TRDN: variants seen among roughly 807,000 people sequenced by gnomAD.
TRDN encodes the protein triadin.
TRDN carries 161 observed loss-of-function variants against 149.7 expected under a neutral mutation model. The ratio of observed to expected loss-of-function variants is 1.08; its 90% confidence interval spans 0.95 to 1.23. The LOEUF (loss-of-function observed/expected upper bound fraction) is 1.23. Ranked by LOEUF, TRDN falls within the 50% of genes most tolerant of loss-of-function variation. The probability of loss-of-function intolerance (pLI) is 0.00; values close to 1 mark genes in which losing one functional copy is unlikely to be tolerated. For synonymous variants in TRDN, 294 were observed against 250.5 expected (o/e 1.17, Z -1.64); for missense variants, 896 against 823.5 (o/e 1.09, Z -1.08).
intron 24 of TRDN, among the ~76,000 whole-genome samples, chr6:123,301,770 C>CATATATAT (rs35364593): frequency 1.0e-4 from 6 of 57,836 alleles, no homozygotes; most frequent in South Asian, 5.1e-4. Flanking sequence ...TATATATATA[C>CATATATAT]ATATATATAT....
At chr6:123,348,636 T>C (rs1412750266) in intron 21 of TRDN, among the ~76,000 whole-genome samples, 1 of 152,090 alleles carries the variant, frequency 6.6e-6, no homozygotes, top group African/African-American at 2.4e-5. Context: ...AGCTTTGTAA[T>C]GTAGCAGCTT....
intron 4 of TRDN, among the ~76,000 whole-genome samples, chr6:123,537,889 AC>A (rs1458691603): frequency 6.6e-6 from 1 of 152,242 alleles, no homozygotes; most frequent in African/African-American, 2.4e-5. Context: ...TTATGATCAT[AC>A]CAAAGCTTGC....
intron 9 of TRDN, among the ~76,000 whole-genome samples, chr6:123,496,855 T>G (rs1170251892): frequency 6.6e-6 from 1 of 152,110 alleles, no homozygotes; most frequent in East Asian, 1.9e-4. Flanking sequence ...ATTTTCATTG[T>G]CGTGGGTCTT....
chr6:123,310,552 G>GA (rs1778781334), intron 24 of TRDN, among the ~76,000 whole-genome samples: 1 of 151,852 alleles, frequency 6.6e-6, no homozygotes, highest in African/African-American at 2.4e-5. Context: ...CATAATTGAA[G>GA]AAAAAATGAA....
intron 1 of TRDN, among the ~76,000 whole-genome samples, chr6:123,606,962 G>T (rs148070013): frequency 1.1e-3 from 165 of 152,282 alleles, no homozygotes; most frequent in African/African-American, 3.7e-3. Context: ...CTGGGAACTT[G>T]TTGCCTCTGG....
chr6:123,527,529 G>A (rs1423435316), intron 5 of TRDN, among the ~76,000 whole-genome samples: 1 of 151,858 alleles, frequency 6.6e-6, no homozygotes, highest in Non-Finnish European at 1.5e-5. Flanking sequence ...TCACCCTAAT[G>A]TGGAATCAGC....
chr6:123,461,233 C>A (rs763660665), intron 10 of TRDN, among the ~76,000 whole-genome samples: 13 of 152,272 alleles, frequency 8.5e-5, no homozygotes, highest in Non-Finnish European at 1.8e-4. Context: ...CCATGCAACT[C>A]ATTAGTATCA....
At chr6:123,468,303 G>T (rs1447790389) in intron 9 of TRDN, among the ~76,000 whole-genome samples, 1 of 152,112 alleles carries the variant, frequency 6.6e-6, no homozygotes, top group Non-Finnish European at 1.5e-5. Flanking sequence ...AACTCTAAAG[G>T]TGCCCTTCAT....
At chr6:123,485,308 C>T (rs553147744) in intron 9 of TRDN, among the ~76,000 whole-genome samples, 32 of 152,274 alleles carry the variant, frequency 2.1e-4, no homozygotes, top group Admixed American at 4.6e-4. Context: ...AATCTTTACA[C>T]AGGTCTATTT....
intron 2 of TRDN, among the ~76,000 whole-genome samples, chr6:123,561,982 C>A (rs1463388422): frequency 6.6e-6 from 1 of 152,156 alleles, no homozygotes; most frequent in Non-Finnish European, 1.5e-5. Context: ...TCCCCTGTGA[C>A]CTGCATGTAC....
intron 40 of TRDN, among the ~76,000 whole-genome samples, chr6:123,219,902 A>G (rs1018607183): frequency 6.6e-6 from 1 of 151,860 alleles, no homozygotes; most frequent in African/African-American, 2.4e-5. Flanking sequence ...AGAAGGGCCC[A>G]TCAATGACAG....
intron 35 of TRDN, among the ~76,000 whole-genome samples, chr6:123,258,595 TC>T (rs1283111483): frequency 6.6e-6 from 1 of 152,178 alleles, no homozygotes; most frequent in Non-Finnish European, 1.5e-5. Context: ...CCTGAAATTT[TC>T]TTTTTTTTGT....
At chr6:123,604,360 A>G (rs1174819509) in intron 1 of TRDN, among the ~76,000 whole-genome samples, 5 of 152,254 alleles carry the variant, frequency 3.3e-5, no homozygotes, top group Non-Finnish European at 7.3e-5. Context: ...ACATTGCCGG[A>G]GGCAAAGACA....
chr6:123,369,739 G>A lies in TRDN; in HGVS notation c.1274-3557C>T, dbSNP rs1424690946. ...ACATACTCATCCATTTTTCTTTCCA[G>A]TTCCAAAAGGTGATCAGTTCCTGCC... On this transcript the variant is annotated intron_variant, in intron 19 of 40. Transcript: ENST00000334268. Among the ~76,000 whole-genome samples the A allele has an allele frequency of 4.6e-5, 7 of 152,164 alleles. No individual in the cohort carries two copies. The South Asian group carries it at 1.2e-3, about 27-fold the overall frequency.
chr6:123,627,732 T>C (rs1785753482), intron 1 of TRDN, among the ~76,000 whole-genome samples: 1 of 152,226 alleles, frequency 6.6e-6, no homozygotes, highest in Non-Finnish European at 1.5e-5. Flanking sequence ...ATTGAAAATG[T>C]GTTGTTTAGC....
chr6:123,435,059 A>G (rs1007593412), intron 12 of TRDN, among the ~76,000 whole-genome samples: 1 of 151,356 alleles, frequency 6.6e-6, no homozygotes, highest in Admixed American at 6.6e-5. Context: ...TGTCGGCATA[A>G]TAATACAATA....
intron 10 of TRDN, among the ~76,000 whole-genome samples, chr6:123,445,940 T>C (rs1402722315): frequency 7.0e-6 from 1 of 141,986 alleles, no homozygotes; most frequent in Non-Finnish European, 1.5e-5. Context: ...TGCACACGTA[T>C]GTTTATTGCG....
chr6:123,234,145 C>T (rs984708876), intron 38 of TRDN, among the ~76,000 whole-genome samples: 13 of 151,998 alleles, frequency 8.6e-5, no homozygotes, highest in Non-Finnish European at 1.6e-4. Flanking sequence ...TCCCTGGTAT[C>T]GACTACTACC....
chr6:123,469,833 TAAGG>T (rs1777049297), intron 9 of TRDN: 1 of 152,064 alleles, frequency 6.6e-6, no homozygotes, highest in Admixed American at 6.6e-5. Flanking sequence ...AATGAGAAAA[TAAGG>T]AAGGAAGAAA....
Sources: gnomAD v4.1 joint callset for allele counts (sites outside exome capture counted in the v4.1 genomes callset) on GRCh38, gnomAD v4.1.1 for gene constraint, MANE v1.5 for transcripts, NCBI Gene and HGNC (gene_info 2026-07-23, HGNC 2026-07-21) for gene names.